DNAH7: variants seen among roughly 807,000 people sequenced by gnomAD.
DNAH7 encodes the protein dynein axonemal heavy chain 7, also known as axonemal beta dynein heavy chain 7.
DNAH7 carries 397 observed loss-of-function variants against 444.6 expected under a neutral mutation model. The observed-to-expected ratio is 0.89, with a 90% CI of 0.82 to 0.97. The LOEUF (loss-of-function observed/expected upper bound fraction) is 0.97, where lower values mean the gene tolerates loss of function less well. DNAH7 is among the 50% of genes least tolerant of loss of function. The probability of loss-of-function intolerance (pLI) is 0.00; values close to 1 mark genes in which losing one functional copy is unlikely to be tolerated. For synonymous variants in DNAH7, 1,636 were observed against 1,624.4 expected (o/e 1.01, Z -0.17); for missense variants, 4,902 against 4,800.8 (o/e 1.02, Z -0.62).
In DNAH7 at chr2:195,969,907, A is replaced by C. The variant is rs750403154; in HGVS notation, c.2205+41T>G. 2.5e-6 allele frequency: 4 copies of C among 1,573,602 alleles called. No homozygotes were observed. In the South Asian group the frequency reaches 4.8e-5, roughly 19 times the overall value. On this transcript the variant is annotated intron_variant, in intron 17 of 64. Coordinates refer to ENST00000312428, the MANE Select transcript of DNAH7 (RefSeq NM_018897.3). ...ACTAAAACGAATTCAATGCTTTTTC[A>C]ATTGAACTAATTCATCTTTTTAAGA...
chr2:196,008,778 A>T (rs1694541182), intron 10 of DNAH7, among the ~76,000 whole-genome samples: 1 of 152,242 alleles, frequency 6.6e-6, no homozygotes, highest in South Asian at 2.1e-4. Context: ...TCTGGGTGGA[A>T]GAATGGGAAA....
At chr2:195,857,347 C>A (rs1435891889) in intron 44 of DNAH7, 30 bp downstream of exon 44, 2 of 1,505,916 alleles carry the variant, frequency 1.3e-6, no homozygotes, top group Non-Finnish European at 1.8e-6. Context: ...ACAGACCATA[C>A]CAGCTGGATT....
At chr2:195,745,249 G>A (rs1693321135) in intron 63 of DNAH7, among the ~76,000 whole-genome samples, 1 of 152,156 alleles carries the variant, frequency 6.6e-6, no homozygotes, top group Non-Finnish European at 1.5e-5. Context: ...GGAAGAAAGG[G>A]TATCAGTGAT....
intron 40 of DNAH7, among the ~76,000 whole-genome samples, chr2:195,866,624 A>C (rs1700356712): frequency 6.6e-6 from 1 of 152,256 alleles, no homozygotes; most frequent in Non-Finnish European, 1.5e-5. Flanking sequence ...AAAGACAGTC[A>C]ACACATCTGC....
chr2:195,828,341 T>C lies in DNAH7; in HGVS notation c.9101-3896A>G, dbSNP rs528013293. 6.6e-5 allele frequency among the ~76,000 whole-genome samples: 10 copies of C among 152,192 alleles called. No homozygotes were observed. The South Asian group carries it at 1.5e-3, about 22-fold the overall frequency. ...GGCTCATGCCTGTAATCCCAGCATT[T>C]TGGGAGGCCGAGGCGGGCGGATCAT... On this transcript the variant is annotated intron_variant, in intron 48 of 64. Coordinates refer to ENST00000312428, the MANE Select transcript of DNAH7 (RefSeq NM_018897.3).
chr2:195,764,698 A>AT (rs1694494840), intron 61 of DNAH7, among the ~76,000 whole-genome samples: 1 of 152,048 alleles, frequency 6.6e-6, no homozygotes, highest in Non-Finnish European at 1.5e-5. Flanking sequence ...GACCTCTATG[A>AT]TAAAAACTAT....
chr2:195,747,165 A>G (rs1693470562), intron 63 of DNAH7, among the ~76,000 whole-genome samples: 1 of 151,926 alleles, frequency 6.6e-6, no homozygotes, highest in African/African-American at 2.4e-5. Flanking sequence ...GATAAAGGGG[A>G]TATCACCACC....
At chr2:195,951,424 G>T (rs1279549676) in intron 19 of DNAH7, among the ~76,000 whole-genome samples, 2 of 152,110 alleles carry the variant, frequency 1.3e-5, no homozygotes, top group Non-Finnish European at 2.9e-5. Context: ...CTGTTGATTT[G>T]GGGCAGAGCA....
chr2:195,854,342 A>T (rs1303226714), intron 45 of DNAH7, among the ~76,000 whole-genome samples: 2 of 152,192 alleles, frequency 1.3e-5, no homozygotes, highest in Non-Finnish European at 2.9e-5. Context: ...ACAAAAACGA[A>T]GACATTTAGG....
intron 63 of DNAH7, among the ~76,000 whole-genome samples, chr2:195,746,493 G>A (rs1280700414): frequency 6.6e-6 from 1 of 152,156 alleles, no homozygotes; most frequent in African/African-American, 2.4e-5. Flanking sequence ...GCACCAAGCG[G>A]ACCTAATAGA....
chr2:195,858,546 G>T lies in DNAH7; in HGVS notation c.7995C>A (p.Cys2665Ter). The T allele has an allele frequency of 1.2e-6, 2 of 1,613,852 alleles. No homozygotes were observed. The highest frequency in any genetic ancestry group is 1.7e-6 in the Non-Finnish European group (2 of 1,179,924). The change falls in exon 43 of 65, where the codon TGC (cysteine) becomes TGA (stop). Residue 2665 changes from cysteine to a stop codon, truncating the protein, a stop_gained. Transcript: ENST00000312428. LOFTEE classifies it high-confidence loss of function. ...AMASKAIKDE[C>*]DADLAGALPI... Reference sequence around the variant, plus strand: ...GCAAGGCACCTGCCAGGTCAGCATCGCACTCATCTTTGATGGCTTTGGAAG... The same window carrying T: ...GCAAGGCACCTGCCAGGTCAGCATCTCACTCATCTTTGATGGCTTTGGAAG...
Position 195,872,413 on chromosome 2 carries a change from A to G in DNAH7, c.6470T>C (p.Met2157Thr), listed in dbSNP as rs778964131. The G allele has an allele frequency of 6.2e-7, 1 of 1,612,852 alleles. No homozygotes were observed. The highest frequency in any genetic ancestry group is 1.7e-5 in the Admixed American group (1 of 59,992). Residue 2157 changes from methionine to threonine, a missense_variant, in exon 40 of 65, where the codon ATG becomes ACG. By Grantham distance (81) the Met-to-Thr change is moderately conservative. Coordinates refer to ENST00000312428, the MANE Select transcript of DNAH7 (RefSeq NM_018897.3). ...DLTTQIVNGT[M>T]TLYKEAMKNL... ...CTTCATTGCTTCTTTATACAGAGTCATTGTGCCATTTACGATTTGTGTGGT... is the reference window on the plus strand; with the variant it reads ...CTTCATTGCTTCTTTATACAGAGTCGTTGTGCCATTTACGATTTGTGTGGT...
intron 63 of DNAH7, among the ~76,000 whole-genome samples, chr2:195,752,055 G>C (rs1237746449): frequency 6.6e-6 from 1 of 152,044 alleles, no homozygotes; most frequent in Non-Finnish European, 1.5e-5. Flanking sequence ...TGGATTCCTT[G>C]AGCTCAGGAG....
Position 195,771,725 on chromosome 2 carries a change from C to T in DNAH7, c.11368G>A (p.Gly3790Arg). ...GTCTTCAGTAACTTATTGAACCGTC[C>T]CATCTCTTGGACAAGTACAGTGTTC... Reference protein sequence around the residue: ...SMNTVLVQEMGRFNKLLKTIR... With the variant: ...SMNTVLVQEMRRFNKLLKTIR... Residue 3790 changes from glycine (G) to arginine (R), a missense_variant, in exon 61 of 65, where the codon GGA becomes AGA. By Grantham distance (125) the Gly-to-Arg change is moderately radical (BLOSUM62 -2). Coordinates refer to ENST00000312428, the MANE Select transcript of DNAH7 (RefSeq NM_018897.3). 1 of 1,614,008 alleles carries T rather than the reference C, an allele frequency of 6.2e-7. No homozygotes were observed. The highest frequency in any genetic ancestry group is 8.5e-7 in the Non-Finnish European group (1 of 1,179,996).
At chr2:195,955,270 A>C (rs1048554077) in intron 19 of DNAH7, among the ~76,000 whole-genome samples, 1 of 152,180 alleles carries the variant, frequency 6.6e-6, no homozygotes, top group Non-Finnish European at 1.5e-5. Flanking sequence ...AGCACCATTT[A>C]TTAAATAGGG....
At chr2:195,746,488 A>C (rs1435730120) in intron 63 of DNAH7, among the ~76,000 whole-genome samples, 1 of 152,238 alleles carries the variant, frequency 6.6e-6, no homozygotes, top group Non-Finnish European at 1.5e-5. Context: ...GCTCTGCACC[A>C]AGCGGACCTA....
chr2:195,939,295 A>AT (rs1214579886), intron 19 of DNAH7, among the ~76,000 whole-genome samples: 1 of 152,154 alleles, frequency 6.6e-6, no homozygotes, highest in East Asian at 1.9e-4. Flanking sequence ...TAAAATGAAC[A>AT]TTTTATAATC....
At position 196,000,813 on chromosome 2, in the gene DNAH7, A is replaced by G. The variant is rs1183771129; in HGVS notation, c.1244T>C (p.Phe415Ser). The G allele has an allele frequency of 1.2e-6, 2 of 1,609,864 alleles. No individual in the cohort carries two copies. Among genetic ancestry groups the G allele is most frequent in the Admixed American group, 1.7e-5 (1 of 59,818 alleles). The change falls in exon 12 of 65, where the codon TTT becomes TCT. Residue 415 changes from phenylalanine to serine, a missense_variant. By Grantham distance (155) the Phe-to-Ser change is radical. Transcript: ENST00000312428. Reference sequence around the variant, plus strand: ...TATATAGTCACTCAACTCAGGTTCAAACTTAATGGTGTCATTATCAAGAAT... The same window carrying G: ...TATATAGTCACTCAACTCAGGTTCAGACTTAATGGTGTCATTATCAAGAAT... ...RLILDNDTIK[F>S]EPELSDYIDI... is the part of the protein sequence containing the mutation.
chr2:195,773,877 T>C (rs946256816), intron 60 of DNAH7, among the ~76,000 whole-genome samples: 4 of 152,222 alleles, frequency 2.6e-5, no homozygotes, highest in Non-Finnish European at 4.4e-5. Context: ...CTCTGATAGC[T>C]TCCTCTTTTA....
Sources: gnomAD v4.1 joint callset for allele counts (sites outside exome capture counted in the v4.1 genomes callset) on GRCh38, gnomAD v4.1.1 for gene constraint, MANE v1.5 for transcripts, NCBI Gene and HGNC (gene_info 2026-07-23, HGNC 2026-07-21) for gene names.